CLSTN1: variants seen among roughly 807,000 people sequenced by gnomAD.
The protein encoded by CLSTN1 is calsyntenin 1.
CLSTN1 carries 28 observed loss-of-function variants against 108.3 expected under a neutral mutation model. That is an observed-to-expected ratio of 0.26 (90% CI 0.19 to 0.35). The LOEUF is 0.35. Ranked by LOEUF, CLSTN1 falls within the 10% of genes least tolerant of loss-of-function variation. The probability of loss-of-function intolerance (pLI) is 1.00; values close to 1 mark genes in which losing one functional copy is unlikely to be tolerated. For missense variants in CLSTN1, 1,157 were observed against 1,302.6 expected, an observed-to-expected ratio of 0.89 and a Z score of 1.72; for synonymous variants, 524 against 534.9, an observed-to-expected ratio of 0.98 and a Z score of 0.28.
At chr1:9,780,218 G>C (rs1321623367) in intron 1 of CLSTN1, among the ~76,000 whole-genome samples, 1 of 144,192 alleles carries the variant, frequency 6.9e-6, no homozygotes, top group Non-Finnish European at 1.5e-5. Context: ...ATTAATATTC[G>C]ATTCCAATTT....
chr1:9,743,785 T>G (rs966299054), intron 9 of CLSTN1, 99 bp downstream of exon 9: 1 of 1,397,794 alleles, frequency 7.2e-7, no homozygotes, highest in South Asian at 1.3e-5. Context: ...CTCGAACCCC[T>G]GGGCTCAAGC....
At chr1:9,820,321 C>A (rs1324656549) in intron 1 of CLSTN1, among the ~76,000 whole-genome samples, 2 of 152,102 alleles carry the variant, frequency 1.3e-5, no homozygotes, top group Non-Finnish European at 2.9e-5. Flanking sequence ...GAAGTTCAGA[C>A]CAGCCTGGCC....
intron 1 of CLSTN1, among the ~76,000 whole-genome samples, chr1:9,802,044 G>A (rs536395538): frequency 6.6e-6 from 1 of 152,258 alleles, no homozygotes; most frequent in South Asian, 2.1e-4. Context: ...TGTGAGAGGG[G>A]TATTATTATC....
chr1:9,767,641 G>A (rs753388337), intron 2 of CLSTN1, among the ~76,000 whole-genome samples: 6 of 151,216 alleles, frequency 4.0e-5, no homozygotes, highest in African/African-American at 1.5e-4. Context: ...CTCAATAAAC[G>A]TTAGATGCCA....
chr1:9,787,789 T>C (rs571508176), intron 1 of CLSTN1, among the ~76,000 whole-genome samples: 2 of 151,438 alleles, frequency 1.3e-5, no homozygotes, highest in Non-Finnish European at 2.9e-5. Context: ...TACAGGCCAA[T>C]AGCATTAAGT....
intron 2 of CLSTN1, among the ~76,000 whole-genome samples, chr1:9,770,178 A>G (rs1652601869): frequency 1.3e-5 from 2 of 152,244 alleles, no homozygotes; most frequent in South Asian, 4.1e-4. Flanking sequence ...TATGGCAAAT[A>G]CAACCAAGTT....
intron 2 of CLSTN1, among the ~76,000 whole-genome samples, chr1:9,772,562 A>T (rs1652743173): frequency 6.6e-6 from 1 of 152,212 alleles, no homozygotes; most frequent in Non-Finnish European, 1.5e-5. Context: ...GGCAGAAAAA[A>T]GGTGGCGCAG....
At chr1:9,805,888 T>G (rs887749510) in intron 1 of CLSTN1, among the ~76,000 whole-genome samples, 2 of 144,136 alleles carry the variant, frequency 1.4e-5, no homozygotes, top group African/African-American at 5.3e-5. Flanking sequence ...AAAAAAAAAG[T>G]TATTTAAGTC....
At position 9,756,614 on chromosome 1, in the gene CLSTN1, C is replaced by G. The variant is rs1271201969; in HGVS notation, c.215-104G>C. On this transcript the variant is annotated intron_variant, in intron 2 of 18. Coordinates refer to ENST00000377298, the MANE Select transcript of CLSTN1 (RefSeq NM_001009566.3). The stretch of plus-strand genomic sequence containing the variant: ...GGTGCACATATTACACATTTCCACA[C>G]CAAGCTCAGCGACCGGCTTCTACGA... 1.3e-5 allele frequency: 12 copies of G among 892,212 alleles called. No individual in the cohort carries two copies. The Middle Eastern group carries it at 9.0e-4, about 67-fold the overall frequency. The allele number at this position is 892,212 out of a possible 1,614,324, so 55.3% of individuals were successfully genotyped here.
rs571379865 is a variant in CLSTN1, at chr1:9,818,316, G to T, written c.91+5327C>A. 1.1e-3 allele frequency among the ~76,000 whole-genome samples: 158 copies of T among 149,888 alleles called. 1 individual carries two copies. The highest frequency in any genetic ancestry group is 3.8e-3 in the African/African-American group (153 of 40,784). ...TCAGCTACCATGCCTGGCCGTTTGG[G>T]TTTTTTTTTGTTTTTGTTTTTGTTT... On this transcript the variant is annotated intron_variant, in intron 1 of 18. Coordinates refer to ENST00000377298, the MANE Select transcript of CLSTN1 (RefSeq NM_001009566.3).
chr1:9,735,805 T>C (rs2101079720), intron 12 of CLSTN1, 80 bp downstream of exon 12: 1 of 1,558,352 alleles, frequency 6.4e-7, no homozygotes, highest in South Asian at 1.2e-5. Flanking sequence ...CACAGATTAC[T>C]CACTCCCTCA....
chr1:9,823,981 T>C (rs1236727066), upstream of CLSTN1: 1 of 147,862 alleles, frequency 6.8e-6, no homozygotes, highest in Non-Finnish European at 1.5e-5. The surrounding 1 kb of genome is among the most constrained non-coding windows in gnomAD (Gnocchi z 6.3). Flanking sequence ...CGGCGCTCTC[T>C]CTCGGGTCCG....
chr1:9,810,722 C>A (rs904317835), intron 1 of CLSTN1, among the ~76,000 whole-genome samples: 1 of 152,076 alleles, frequency 6.6e-6, no homozygotes, highest in Non-Finnish European at 1.5e-5. Context: ...TTGCAGTGAG[C>A]CGAGATTGCG....
chr1:9,815,692 T>A (rs755241227), intron 1 of CLSTN1, among the ~76,000 whole-genome samples: 1 of 152,128 alleles, frequency 6.6e-6, no homozygotes, highest in African/African-American at 2.4e-5. Flanking sequence ...TCCCGGCACT[T>A]TGGAAGGCCA....
At chr1:9,776,721 G>T (rs904524952) in intron 1 of CLSTN1, among the ~76,000 whole-genome samples, 1 of 151,980 alleles carries the variant, frequency 6.6e-6, no homozygotes, top group African/African-American at 2.4e-5. Flanking sequence ...GTTACTGAGG[G>T]ACCCAAATAG....
intron 3 of CLSTN1, 151 bp from the exon 4 acceptor site, chr1:9,755,460 T>C: frequency 1.7e-6 from 1 of 582,486 alleles, no homozygotes; most frequent in Non-Finnish European, 3.0e-6. Flanking sequence ...GCAGGGGCAC[T>C]GTGTTTTAAA....
chr1:9,730,489 AGGTGGCCGG>A lies in CLSTN1; in HGVS notation c.*10_*18del. On this transcript the variant is annotated 3_prime_UTR_variant, in exon 19 of 19. Coordinates refer to ENST00000377298, the MANE Select transcript of CLSTN1 (RefSeq NM_001009566.3). This position sits in a 1 kb window ranked among gnomAD's most constrained non-coding sequence, Gnocchi z 5.6. Reference sequence around the variant, plus strand: ...GCAGAGTCTTCGAAAGCAGAAACCGAGGTGGCCGGGGGCACGGGTCAGTAGCTGAGGGTG... The same window carrying A: ...GCAGAGTCTTCGAAAGCAGAAACCGAGGGCACGGGTCAGTAGCTGAGGGTG... The A allele has an allele frequency of 6.3e-7, 1 of 1,597,994 alleles. No individual in the cohort carries two copies. The highest frequency in any genetic ancestry group is 8.5e-7 in the Non-Finnish European group (1 of 1,177,738).
intron 1 of CLSTN1, among the ~76,000 whole-genome samples, chr1:9,774,468 A>G (rs1241661222): frequency 1.3e-5 from 2 of 151,954 alleles, no homozygotes; most frequent in Admixed American, 6.6e-5. Flanking sequence ...CGGGAGGCTG[A>G]GGCAGAAGAA....
intron 1 of CLSTN1, among the ~76,000 whole-genome samples, chr1:9,778,365 T>G (rs184106644): frequency 1.6e-4 from 25 of 152,168 alleles, no homozygotes; most frequent in Middle Eastern, 3.4e-3. Context: ...AATGAGTATA[T>G]AAGAAACCTC....
Sources: gnomAD v4.1 joint callset for allele counts (sites outside exome capture counted in the v4.1 genomes callset) on GRCh38, gnomAD v4.1.1 for gene constraint, Gnocchi (gnomAD v3.1) non-coding constraint, MANE v1.5 for transcripts, NCBI Gene and HGNC (gene_info 2026-07-23, HGNC 2026-07-21) for gene names.